Variants in AKAP12 observed in about 807,000 individuals in gnomAD.
AKAP12 encodes A-kinase anchor protein 12.
AKAP12 carries 32 observed loss-of-function variants against 79.9 expected under a neutral mutation model. The ratio of observed to expected loss-of-function variants is 0.40; its 90% CI spans 0.30 to 0.54. The LOEUF is 0.54. Ranked by LOEUF, AKAP12 falls within the 20% of genes least tolerant of loss-of-function variation. The pLI, the probability that AKAP12 is intolerant of heterozygous loss-of-function variation, is 0.48. For synonymous variants in AKAP12, 808 were observed against 857.0 expected (o/e 0.94, Z 1.00); for missense variants, 2,074 against 2,177.0 (o/e 0.95, Z 0.94).
In AKAP12 at chr6:151,350,295, T is replaced by C; in HGVS notation, c.1904T>C (p.Leu635Pro). The C allele has an allele frequency of 6.2e-7, 1 of 1,613,874 alleles. No homozygotes were observed. Among genetic ancestry groups the C allele is most frequent in the Non-Finnish European group, 8.5e-7 (1 of 1,179,994 alleles). Residue 635 changes from leucine (L) to proline (P), a missense_variant, in exon 4 of 5, where the codon CTG becomes CCG. This residue lies in a region of AKAP12 where 1,428 missense variants were observed against 1,451.0 expected (regional missense o/e 0.98). Transcript: ENST00000402676. The surrounding 1 kb of genome is among the most constrained non-coding windows in gnomAD (Gnocchi z 4.8). ...RPSESDKEDELDKVKSATLSS... is the reference protein window; with the variant it reads ...RPSESDKEDEPDKVKSATLSS... ...TCGGAAAGTGATAAAGAAGATGAGC[T>C]GGACAAGGTCAAGAGCGCTACCTTG... is the stretch of plus-strand genomic sequence containing the variant.
At chr6:151,341,627 T>C (rs1221843407) in intron 3 of AKAP12, 4 of 990,268 alleles carry the variant, frequency 4.0e-6, no homozygotes, top group Non-Finnish European at 5.0e-6. Context: ...CACGGGCGGC[T>C]GTTGGGCTGC....
chr6:151,341,936 G>GCCCCAGC, intron 3 of AKAP12: 2 of 499,384 alleles, frequency 4.0e-6, no homozygotes, highest in Non-Finnish European at 6.1e-6. Context: ...CCTTGATCTT[G>GCCCCAGC]CCCCAGCCCC....
chr6:151,294,841 TGCATGCATCC>T (rs1409843054), intron 2 of AKAP12, among the ~76,000 whole-genome samples: 4 of 152,242 alleles, frequency 2.6e-5, no homozygotes, highest in African/African-American at 9.6e-5. Flanking sequence ...TAAAACATAC[TGCATGCATCC>T]GTGGTGTCTT....
At chr6:151,329,104 C>A (rs563022703) in intron 3 of AKAP12, among the ~76,000 whole-genome samples, 2 of 144,508 alleles carry the variant, frequency 1.4e-5, no homozygotes, top group African/African-American at 2.7e-5. Flanking sequence ...CTGTAAATGG[C>A]GTGCCAGCAT....
intron 3 of AKAP12, among the ~76,000 whole-genome samples, chr6:151,307,849 G>T (rs771965633): frequency 6.6e-6 from 1 of 152,114 alleles, no homozygotes; most frequent in African/African-American, 2.4e-5. Context: ...CATGCAGGAA[G>T]GGTGGTGATT....
intron 2 of AKAP12, among the ~76,000 whole-genome samples, chr6:151,241,826 C>CTAA (rs1796982370): frequency 8.1e-6 from 1 of 123,896 alleles, no homozygotes; most frequent in South Asian, 2.6e-4. Flanking sequence ...TTACAATATG[C>CTAA]AAAAAAAAAA....
Position 151,352,007 on chromosome 6 carries a change from T to C in AKAP12, c.3616T>C (p.Ser1206Pro), listed in dbSNP as rs142864839. 12 of 1,613,844 alleles carry C rather than the reference T, an allele frequency of 7.4e-6. No homozygotes were observed. Among genetic ancestry groups the C allele is most frequent in the Non-Finnish European group, 1.0e-5 (12 of 1,180,028 alleles). ...EENEVASGTQ[S>P]GGTEAEAVPA... ...GAATGAGGTCGCATCTGGTACCCAG[T>C]CAGGGGGCACAGAAGCAGAGGCAGT... The change falls in exon 4 of 5, where the codon TCA becomes CCA. Residue 1206 changes from serine (S) to proline (P), a missense_variant. By Grantham distance (74) the Ser-to-Pro change is moderately conservative. Around this residue, in one of 3 missense-constraint regions of AKAP12, gnomAD observed 32 missense variants for 60.4 expected, o/e 0.53. Coordinates refer to ENST00000402676, the MANE Select transcript of AKAP12 (RefSeq NM_005100.4).
intron 2 of AKAP12, among the ~76,000 whole-genome samples, chr6:151,288,932 A>G (rs181163740): frequency 4.9e-4 from 74 of 152,352 alleles, no homozygotes; most frequent in African/African-American, 1.1e-3. Context: ...TCTGACAGCT[A>G]TAACTTATGA....
At chr6:151,303,530 C>T (rs1776904707) in intron 2 of AKAP12, among the ~76,000 whole-genome samples, 1 of 152,212 alleles carries the variant, frequency 6.6e-6, no homozygotes, top group Non-Finnish European at 1.5e-5. Flanking sequence ...TTTAGCACAA[C>T]TTAAGGCTTC....
intron 3 of AKAP12, among the ~76,000 whole-genome samples, chr6:151,321,914 T>G (rs112307734): frequency 1.4e-5 from 2 of 146,052 alleles, no homozygotes; most frequent in Non-Finnish European, 3.0e-5. Flanking sequence ...TTTTTTTTTT[T>G]TTTTTTTTTT....
intron 2 of AKAP12, among the ~76,000 whole-genome samples, chr6:151,252,640 T>C (rs1797203955): frequency 6.7e-6 from 1 of 149,250 alleles, no homozygotes; most frequent in Admixed American, 6.7e-5. Context: ...GACCTGGTAT[T>C]CCCAGTACTT....
In AKAP12 at chr6:151,348,694, C is replaced by T. The variant is rs1778180969; in HGVS notation, c.320-17C>T. 5.2e-6 allele frequency: 2 copies of T among 387,330 alleles called. No homozygotes were observed. The highest frequency in any genetic ancestry group is 9.9e-6 in the Non-Finnish European group (2 of 201,138). 24.0% of individuals were successfully genotyped at this position (387,330 alleles called of 1,614,324 possible). A position where few individuals can be genotyped will look rare whatever the true frequency, so the allele number is the denominator to read the frequency against. On this transcript the variant is annotated splice_polypyrimidine_tract_variant and intron_variant, in intron 3 of 4. Coordinates refer to ENST00000402676, the MANE Select transcript of AKAP12 (RefSeq NM_005100.4). The stretch of plus-strand genomic sequence containing the variant: ...CTTTTCTCTTCTCCCCACCCCCCCG[C>T]CCCTTTTTGTTAATAGTTGGACAGA...
At chr6:151,344,388 CA>C (rs34465906) in intron 3 of AKAP12, among the ~76,000 whole-genome samples, 103,167 of 151,638 alleles carry the variant, frequency 0.68, 35,657 homozygotes, top group Non-Finnish European at 0.74. Flanking sequence ...TATGAATATC[CA>C]AAAAATCTAG....
At chr6:151,308,571 G>C (rs1777024865) in intron 3 of AKAP12, among the ~76,000 whole-genome samples, 1 of 152,078 alleles carries the variant, frequency 6.6e-6, no homozygotes, top group South Asian at 2.1e-4. Context: ...TAGGAAAAAA[G>C]AACTAGATGT....
intron 3 of AKAP12, among the ~76,000 whole-genome samples, chr6:151,313,447 T>C (rs1777164610): frequency 6.6e-6 from 1 of 152,236 alleles, no homozygotes; most frequent in South Asian, 2.1e-4. Context: ...TGCTATGCGA[T>C]TTCTGGGAAC....
intron 2 of AKAP12, among the ~76,000 whole-genome samples, chr6:151,242,790 G>A (rs976143128): frequency 6.6e-6 from 1 of 152,218 alleles, no homozygotes. Flanking sequence ...CAGGGAACAC[G>A]CCTGGTTGTG....
intron 3 of AKAP12, among the ~76,000 whole-genome samples, chr6:151,321,583 T>G (rs112111206): frequency 2.6e-5 from 4 of 152,298 alleles, no homozygotes; most frequent in African/African-American, 9.6e-5. Context: ...TATCCCTGCA[T>G]GAGCTGATAG....
intron 2 of AKAP12, among the ~76,000 whole-genome samples, chr6:151,271,698 C>T (rs905152774): frequency 2.0e-4 from 30 of 152,054 alleles, no homozygotes; most frequent in African/African-American, 7.2e-4. Flanking sequence ...TCAGCTCTGT[C>T]GCCCAGGCTG....
intron 3 of AKAP12, among the ~76,000 whole-genome samples, chr6:151,339,363 C>T (rs977463653): frequency 2.6e-5 from 4 of 152,202 alleles, no homozygotes; most frequent in Admixed American, 2.6e-4. Flanking sequence ...CTTTGGCCCT[C>T]CTGAGATACC....
Sources: allele counts gnomAD v4.1 joint callset (sites outside exome capture counted in the v4.1 genomes callset), GRCh38; gene constraint gnomAD v4.1.1; regional missense constraint gnomAD v4.1.1; non-coding constraint Gnocchi (gnomAD v3.1); transcripts MANE v1.5; gene names NCBI Gene and HGNC (gene_info 2026-07-23, HGNC 2026-07-21).